Variants in PDE2A observed in about 807,000 individuals in gnomAD.
PDE2A encodes the protein phosphodiesterase 2A, also known as cGMP-dependent 3',5'-cyclic phosphodiesterase.
In PDE2A, 53 loss-of-function variants were observed where a neutral mutation model predicts 133.6. The ratio of observed to expected loss-of-function variants is 0.40; its 90% CI spans 0.32 to 0.50. The LOEUF (loss-of-function observed/expected upper bound fraction) is 0.50. Ranked by LOEUF, PDE2A falls within the 20% of genes least tolerant of loss-of-function variation. The pLI is 0.73. For synonymous variants in PDE2A, 491 were observed against 490.2 expected, an observed-to-expected ratio of 1.00 and a Z score of -0.02; for missense variants, 796 against 1,232.4, an observed-to-expected ratio of 0.65 and a Z score of 5.30.
chr11:72,615,177 C>A (rs375660948), intron 2 of PDE2A: 1 of 446,214 alleles, frequency 2.2e-6, no homozygotes. Flanking sequence ...TCCACAGGAG[C>A]CTGACCCCAC....
chr11:72,634,596 G>C (rs1453338326), intron 2 of PDE2A, among the ~76,000 whole-genome samples: 1 of 152,232 alleles, frequency 6.6e-6, no homozygotes, highest in African/African-American at 2.4e-5. Context: ...CACTCTGGAA[G>C]GAAACCCTCC....
chr11:72,665,957 T>C (rs1419183921), intron 1 of PDE2A, among the ~76,000 whole-genome samples: 2 of 151,420 alleles, frequency 1.3e-5, no homozygotes, highest in Non-Finnish European at 2.9e-5. Flanking sequence ...AAGAAGAAAT[T>C]GAGGCTTCCA....
intron 1 of PDE2A, among the ~76,000 whole-genome samples, chr11:72,645,546 G>C (rs1227147143): frequency 6.6e-6 from 1 of 152,198 alleles, no homozygotes; most frequent in African/African-American, 2.4e-5. Flanking sequence ...CTGTGATCCT[G>C]TTCTGGGTTC....
At position 72,578,233 on chromosome 11, in the gene PDE2A, T is replaced by G; in HGVS notation, c.2615A>C (p.Lys872Thr). 1 of 1,585,564 alleles carries G rather than the reference T, an allele frequency of 6.3e-7. No individual in the cohort carries two copies. Among genetic ancestry groups the G allele is most frequent in the Non-Finnish European group, 8.7e-7 (1 of 1,153,716 alleles). Reference protein sequence around the residue: ...FMEHIAMPIYKLLQDLFPKAA... With the variant: ...FMEHIAMPIYTLLQDLFPKAA... ...AGCTTGTCCCCATGAGCTCACTCAC[T>G]TGTAGATGGGCATTGCAATGTGCTC... is the stretch of plus-strand genomic sequence containing the variant. Residue 872 changes from lysine (K) to threonine (T), a missense_variant and splice_region_variant, in exon 30 of 31, where the codon AAG becomes ACG. Coordinates refer to ENST00000334456, the MANE Select transcript of PDE2A (RefSeq NM_002599.5). The surrounding 1 kb of genome is among the most constrained non-coding windows in gnomAD (Gnocchi z 4.2).
In PDE2A at chr11:72,590,365, C is replaced by G. The variant is rs1446553657; in HGVS notation, c.703+62G>C. 6.5e-7 allele frequency: 1 copy of G among 1,548,252 alleles called. No homozygotes were observed. The highest frequency in any genetic ancestry group is 1.4e-5 in the African/African-American group (1 of 73,182). On this transcript the variant is annotated intron_variant, in intron 8 of 30. Transcript: ENST00000334456. The surrounding 1 kb of genome is among the most constrained non-coding windows in gnomAD (Gnocchi z 4.8). ...CGGCTCCCGGGATCGCCTAACCCGC[C>G]CACCTCCCCTCCAAGTTCTGCCCGG...
intron 3 of PDE2A, among the ~76,000 whole-genome samples, chr11:72,607,003 T>C (rs1856996605): frequency 1.3e-5 from 2 of 152,110 alleles, no homozygotes; most frequent in South Asian, 4.1e-4. Context: ...CCAGCAGCTC[T>C]CCTCCCTGGG....
intron 2 of PDE2A, among the ~76,000 whole-genome samples, chr11:72,639,905 A>G (rs1009096768): frequency 3.3e-5 from 5 of 152,080 alleles, no homozygotes; most frequent in Non-Finnish European, 7.4e-5. Flanking sequence ...CTCCACAGAC[A>G]TTTATGGGGA....
intron 4 of PDE2A, chr11:72,598,576 T>C: frequency 7.8e-7 from 1 of 1,289,104 alleles, no homozygotes; most frequent in Non-Finnish European, 1.0e-6. Flanking sequence ...TCATGCTGCC[T>C]CCACTTAATT....
rs191671897 is a variant in PDE2A at position 72,658,714 on chromosome 11, C to T, written c.71+15423G>A. The stretch of plus-strand genomic sequence containing the variant: ...CAGGAGAATGGGAACAAAATTAACA[C>T]GCAGTCACACAACAAAGCATTTACT... On this transcript the variant is annotated intron_variant, in intron 1 of 30. Coordinates refer to ENST00000334456, the MANE Select transcript of PDE2A (RefSeq NM_002599.5). Among the ~76,000 whole-genome samples the T allele has an allele frequency of 8.1e-4, 123 of 152,258 alleles. 1 individual carries two copies. Among genetic ancestry groups the T allele is most frequent in the East Asian group, 1.5e-3 (8 of 5,188 alleles).
At chr11:72,609,807 T>G (rs1857121345) in intron 2 of PDE2A, among the ~76,000 whole-genome samples, 1 of 149,626 alleles carries the variant, frequency 6.7e-6, no homozygotes, top group Non-Finnish European at 1.5e-5. Context: ...AACTGCAAGA[T>G]GAAGGAGACA....
Position 72,582,480 on chromosome 11 carries a change from A to G in PDE2A, c.1815T>C (p.Tyr605=), listed in dbSNP as rs1248486876. The G allele has an allele frequency of 5.0e-6, 8 of 1,613,934 alleles. No homozygotes were observed. Among genetic ancestry groups the G allele is most frequent in the Non-Finnish European group, 5.9e-6 (7 of 1,179,932 alleles). The change falls in exon 21 of 31, where the codon TAT becomes TAC. Residue 605 remains tyrosine, a synonymous_variant. Transcript: ENST00000334456. The stretch of plus-strand genomic sequence containing the variant: ...CATCCTCGGGCAGGGAACGAGGGGT[A>G]TAGGTGAAACTTGCAAAATTGGAGT... The part of the protein sequence containing the change: ...AIDSNFASFT[Y]TPRSLPEDDT...
intron 1 of PDE2A, among the ~76,000 whole-genome samples, chr11:72,667,069 G>A (rs918943812): frequency 6.6e-6 from 1 of 152,176 alleles, no homozygotes; most frequent in African/African-American, 2.4e-5. Flanking sequence ...TCACGCCACT[G>A]CACTCCAGTC....
chr11:72,660,237 G>A (rs1447178786), intron 1 of PDE2A, among the ~76,000 whole-genome samples: 2 of 152,140 alleles, frequency 1.3e-5, no homozygotes, highest in African/African-American at 4.8e-5. Context: ...TAAAACAGAT[G>A]TAAAAAATTA....
chr11:72,640,469 C>T (rs1210915480), intron 2 of PDE2A, among the ~76,000 whole-genome samples: 5 of 152,106 alleles, frequency 3.3e-5, no homozygotes, highest in Admixed American at 2.6e-4. Context: ...CCTCAGACCC[C>T]TCAGCCCTGG....
intron 2 of PDE2A, among the ~76,000 whole-genome samples, chr11:72,642,005 C>G (rs555266152): frequency 3.9e-4 from 60 of 152,348 alleles, no homozygotes; most frequent in African/African-American, 1.3e-3. Context: ...GCGGTCCCAC[C>G]GTGGACTGGA....
chr11:72,628,222 G>A (rs1376278654), intron 2 of PDE2A, among the ~76,000 whole-genome samples: 2 of 152,254 alleles, frequency 1.3e-5, no homozygotes, highest in Non-Finnish European at 2.9e-5. Flanking sequence ...GATCTGCCAT[G>A]TGCCAGGCCT....
chr11:72,624,596 C>T (rs1857954041), intron 2 of PDE2A, among the ~76,000 whole-genome samples: 1 of 152,216 alleles, frequency 6.6e-6, no homozygotes, highest in South Asian at 2.1e-4. Context: ...ACCATACCTG[C>T]TACTGCAGCG....
chr11:72,659,593 T>C (rs1442233019), intron 1 of PDE2A, among the ~76,000 whole-genome samples: 1 of 152,154 alleles, frequency 6.6e-6, no homozygotes, highest in African/African-American at 2.4e-5. Flanking sequence ...TAATATTTAG[T>C]TCTAGAACTG....
intron 1 of PDE2A, among the ~76,000 whole-genome samples, chr11:72,662,163 C>T (rs1432916432): frequency 2.6e-5 from 4 of 152,120 alleles, no homozygotes; most frequent in African/African-American, 9.7e-5. Context: ...CAGGGAGGTG[C>T]CGGAGCTGGG....
Sources: gnomAD v4.1 joint callset for allele counts (sites outside exome capture counted in the v4.1 genomes callset) on GRCh38, gnomAD v4.1.1 for gene constraint, Gnocchi (gnomAD v3.1) non-coding constraint, MANE v1.5 for transcripts, NCBI Gene and HGNC (gene_info 2026-07-23, HGNC 2026-07-21) for gene names.